Variants in SCLT1 observed in about 807,000 individuals in gnomAD.
SCLT1 encodes the protein sodium channel-associated protein 1.
A neutral mutation model predicts 112.8 loss-of-function variants in SCLT1; 78 were observed. That is an observed-to-expected ratio of 0.69 (90% confidence interval 0.58 to 0.83). The LOEUF is 0.83. SCLT1 is among the 40% of genes least tolerant of loss of function. SCLT1 has a pLI of 0.00. For missense variants in SCLT1, 747 were observed against 770.4 expected, an observed-to-expected ratio of 0.97 and a Z score of 0.36; for synonymous variants, 257 against 254.7, an observed-to-expected ratio of 1.01 and a Z score of -0.09.
intron 19 of SCLT1, among the ~76,000 whole-genome samples, chr4:128,889,588 T>C (rs550417539): frequency 6.6e-6 from 1 of 152,220 alleles, no homozygotes; most frequent in Non-Finnish European, 1.5e-5. Flanking sequence ...CAGTTTCTAA[T>C]ACTTTGTTAT....
intron 9 of SCLT1, among the ~76,000 whole-genome samples, chr4:128,975,167 T>C (rs1374174013): frequency 2.0e-5 from 3 of 151,034 alleles, no homozygotes; most frequent in Non-Finnish European, 4.4e-5. Flanking sequence ...GCCTCCTGAG[T>C]AGCTGGGACT....
intron 14 of SCLT1, among the ~76,000 whole-genome samples, chr4:128,949,526 C>T (rs1738510054): frequency 6.6e-6 from 1 of 151,972 alleles, no homozygotes; most frequent in Non-Finnish European, 1.5e-5. Context: ...CTATCCCTCC[C>T]CTCTCCCCCT....
At chr4:128,992,810 T>C (rs1339054864) in intron 8 of SCLT1, among the ~76,000 whole-genome samples, 3 of 152,032 alleles carry the variant, frequency 2.0e-5, no homozygotes, top group Non-Finnish European at 2.9e-5. Flanking sequence ...TTGGAACTTT[T>C]TCCTGAAGGT....
At chr4:128,973,293 T>C (rs1740853118) in intron 9 of SCLT1, among the ~76,000 whole-genome samples, 1 of 152,054 alleles carries the variant, frequency 6.6e-6, no homozygotes, top group Non-Finnish European at 1.5e-5. Context: ...ATAAAAAATA[T>C]ACAATGTAAG....
intron 2 of SCLT1, among the ~76,000 whole-genome samples, chr4:129,078,292 GCTAT>G (rs1185275158): frequency 7.2e-5 from 11 of 152,200 alleles, no homozygotes; most frequent in Non-Finnish European, 1.2e-4. Flanking sequence ...TCACCATTAT[GCTAT>G]CTGTTAAAAA....
intron 18 of SCLT1, among the ~76,000 whole-genome samples, chr4:128,901,104 T>C: frequency 6.6e-6 from 1 of 152,176 alleles, no homozygotes; most frequent in Non-Finnish European, 1.5e-5. Context: ...ATTGTGGAAG[T>C]CAGTGAGGCA....
chr4:129,063,896 C>T (rs1366165777), intron 2 of SCLT1, among the ~76,000 whole-genome samples: 1 of 152,194 alleles, frequency 6.6e-6, no homozygotes, highest in Non-Finnish European at 1.5e-5. Context: ...GCTCTCACTT[C>T]CCTCTGTGGG....
chr4:128,915,733 C>T (rs1180097286), intron 18 of SCLT1, among the ~76,000 whole-genome samples: 6 of 152,182 alleles, frequency 3.9e-5, no homozygotes, highest in Admixed American at 3.9e-4. Flanking sequence ...TTCATTCATT[C>T]ATTCATTCAA....
intron 9 of SCLT1, among the ~76,000 whole-genome samples, chr4:128,987,204 G>A (rs1042602709): frequency 6.6e-6 from 1 of 152,138 alleles, no homozygotes. Flanking sequence ...TTTTGGATTC[G>A]TGGAAAGCCC....
At chr4:128,965,956 C>T (rs549443874) in intron 10 of SCLT1, among the ~76,000 whole-genome samples, 3 of 151,532 alleles carry the variant, frequency 2.0e-5, no homozygotes, top group South Asian at 2.1e-4. Flanking sequence ...CTCAGCCTCC[C>T]GAGTAGCTGG....
At chr4:128,957,795 AC>A (rs1196284325) in intron 12 of SCLT1, among the ~76,000 whole-genome samples, 1 of 152,046 alleles carries the variant, frequency 6.6e-6, no homozygotes, top group Non-Finnish European at 1.5e-5. Context: ...AATTTTCAGT[AC>A]TTCTTTACCA....
At chr4:128,910,721 A>G (rs1560830207) in intron 18 of SCLT1, among the ~76,000 whole-genome samples, 2 of 152,198 alleles carry the variant, frequency 1.3e-5, no homozygotes, top group East Asian at 3.9e-4. Context: ...ATACGTCTGG[A>G]ATTTATTTTA....
chr4:129,071,200 T>C (rs1036063871), intron 2 of SCLT1, among the ~76,000 whole-genome samples: 1 of 152,178 alleles, frequency 6.6e-6, no homozygotes, highest in Non-Finnish European at 1.5e-5. Flanking sequence ...GTCTATTGTA[T>C]GGTCCATCTT....
chr4:128,991,245 C>G (rs1186354118), intron 9 of SCLT1, among the ~76,000 whole-genome samples: 5 of 151,578 alleles, frequency 3.3e-5, no homozygotes, highest in Admixed American at 1.3e-4. Context: ...ATGAACTGAA[C>G]AGAGAACCCA....
chr4:128,907,011 A>G (rs1237014189), intron 18 of SCLT1, among the ~76,000 whole-genome samples: 2 of 152,116 alleles, frequency 1.3e-5, no homozygotes, highest in African/African-American at 4.8e-5. Context: ...AGATGGAAAA[A>G]GGCAGAAGAA....
chr4:129,066,894 A>ATAG (rs1359883752), intron 2 of SCLT1, among the ~76,000 whole-genome samples: 2 of 152,124 alleles, frequency 1.3e-5, no homozygotes, highest in Non-Finnish European at 2.9e-5. Context: ...TAAGTTAAGG[A>ATAG]TAGTAATTAC....
chr4:128,948,335 CAAAAAAAAAA>C (rs11312069), intron 15 of SCLT1, among the ~76,000 whole-genome samples, 151 bp downstream of exon 15: 1 of 47,962 alleles, frequency 2.1e-5, no homozygotes, highest in Non-Finnish European at 4.1e-5. Context: ...GACTCCATTG[CAAAAAAAAAA>C]AAAAAAAAAA....
chr4:129,002,086 T>A (rs939057167), intron 6 of SCLT1, among the ~76,000 whole-genome samples: 1 of 152,040 alleles, frequency 6.6e-6, no homozygotes, highest in Non-Finnish European at 1.5e-5. Context: ...ATCACTTTCA[T>A]AATTATAGAA....
chr4:128,898,887 T>C (rs1377732211), intron 18 of SCLT1, among the ~76,000 whole-genome samples: 1 of 152,154 alleles, frequency 6.6e-6, no homozygotes, highest in Non-Finnish European at 1.5e-5. Flanking sequence ...CAGAGAATAC[T>C]ATAAACACCT....
Sources: allele counts gnomAD v4.1 joint callset (sites outside exome capture counted in the v4.1 genomes callset), GRCh38; gene constraint gnomAD v4.1.1; transcripts MANE v1.5; gene names NCBI Gene and HGNC (gene_info 2026-07-23, HGNC 2026-07-21).